KCNIP4: variants seen among roughly 807,000 people sequenced by gnomAD.
The protein encoded by KCNIP4 is potassium voltage-gated channel interacting protein 4.
KCNIP4 carries 12 observed loss-of-function variants against 34.0 expected under a neutral mutation model. The observed-to-expected ratio is 0.35, with a 90% CI of 0.23 to 0.57. KCNIP4 has a LOEUF of 0.57. Ranked by LOEUF, KCNIP4 falls within the 20% of genes least tolerant of loss-of-function variation. The probability of loss-of-function intolerance (pLI) is 0.83; values close to 1 mark genes in which losing one functional copy is unlikely to be tolerated. For missense variants in KCNIP4, 238 were observed against 311.7 expected, an observed-to-expected ratio of 0.76 and a Z score of 1.78; for synonymous variants, 124 against 102.2, an observed-to-expected ratio of 1.21 and a Z score of -1.29.
At chr4:21,102,639 C>G (rs1319910561) in intron 1 of KCNIP4, among the ~76,000 whole-genome samples, 1 of 152,124 alleles carries the variant, frequency 6.6e-6, no homozygotes, top group Non-Finnish European at 1.5e-5. Flanking sequence ...CAAAATATTT[C>G]CATGTAATTA....
intron 1 of KCNIP4, among the ~76,000 whole-genome samples, chr4:21,006,358 G>A (rs1738557316): frequency 6.6e-6 from 1 of 152,176 alleles, no homozygotes; most frequent in African/African-American, 2.4e-5. Flanking sequence ...CTTCCAAGAG[G>A]TAACTTTTGA....
At chr4:21,527,438 G>C (rs1736066017) in intron 1 of KCNIP4, among the ~76,000 whole-genome samples, 1 of 152,082 alleles carries the variant, frequency 6.6e-6, no homozygotes, top group African/African-American at 2.4e-5. Context: ...ATAATGGAAG[G>C]GGCATGGACT....
At chr4:20,900,317 C>A (rs1577337078) in intron 1 of KCNIP4, among the ~76,000 whole-genome samples, 2 of 152,224 alleles carry the variant, frequency 1.3e-5, no homozygotes, top group South Asian at 4.1e-4. Flanking sequence ...AGAAATGAAA[C>A]CCGGGGATGA....
At chr4:20,800,806 T>C (rs1714133092) in intron 3 of KCNIP4, among the ~76,000 whole-genome samples, 1 of 152,080 alleles carries the variant, frequency 6.6e-6, no homozygotes, top group Admixed American at 6.6e-5. Flanking sequence ...ATTAAGCAAA[T>C]AAATATTTGC....
At chr4:21,430,515 C>T (rs1161274716) in intron 1 of KCNIP4, among the ~76,000 whole-genome samples, 1 of 152,042 alleles carries the variant, frequency 6.6e-6, no homozygotes, top group Non-Finnish European at 1.5e-5. Flanking sequence ...TCCTCAATTA[C>T]ATCAACCTGC....
intron 1 of KCNIP4, among the ~76,000 whole-genome samples, chr4:21,858,709 G>A (rs1724896879): frequency 6.6e-6 from 1 of 152,192 alleles, no homozygotes; most frequent in Non-Finnish European, 1.5e-5. Context: ...CTAATTGTGT[G>A]TGCTTTTTAG....
intron 3 of KCNIP4, among the ~76,000 whole-genome samples, chr4:20,796,796 GA>G (rs1170034869): frequency 1.3e-5 from 2 of 151,702 alleles, no homozygotes; most frequent in Non-Finnish European, 1.5e-5. Flanking sequence ...GTAATAGATG[GA>G]AAAAAACAGA....
At chr4:21,625,278 T>C (rs1440935037) in intron 1 of KCNIP4, among the ~76,000 whole-genome samples, 1 of 152,136 alleles carries the variant, frequency 6.6e-6, no homozygotes, top group East Asian at 1.9e-4. Flanking sequence ...CCATAGGGTA[T>C]GCTGAATGTT....
At chr4:21,403,554 T>G (rs1577309491) in intron 1 of KCNIP4, among the ~76,000 whole-genome samples, 1 of 152,166 alleles carries the variant, frequency 6.6e-6, no homozygotes, top group Admixed American at 6.5e-5. Context: ...AGAATAAAAT[T>G]TAAAATTTCC....
intron 1 of KCNIP4, among the ~76,000 whole-genome samples, chr4:21,492,061 G>T (rs549853189): frequency 6.6e-6 from 1 of 152,130 alleles, no homozygotes; most frequent in Non-Finnish European, 1.5e-5. Context: ...GATGTTAAAC[G>T]TGAGTATCTG....
Position 21,713,472 on chromosome 4 carries a change from C to A in KCNIP4, c.61+235099G>T, listed in dbSNP as rs77316874. On this transcript the variant is annotated intron_variant, in intron 1 of 8. Transcript: ENST00000382152. ...TCTGCACTCTTCTTTAAAAAAATTA[C>A]TAATACATAATAGTTGTATATTTTT... Among the ~76,000 whole-genome samples, 75 of 152,246 alleles carry A rather than the reference C, an allele frequency of 4.9e-4. No homozygotes were observed. The East Asian group carries it at 0.014, about 27-fold the overall frequency.
intron 1 of KCNIP4, among the ~76,000 whole-genome samples, chr4:21,830,456 A>T (rs1436870567): frequency 6.6e-6 from 1 of 152,018 alleles, no homozygotes; most frequent in Non-Finnish European, 1.5e-5. Context: ...GGGCTGGATC[A>T]CTTGAGGTCA....
chr4:20,802,367 A>G (rs1045881630), intron 3 of KCNIP4, among the ~76,000 whole-genome samples: 10 of 151,518 alleles, frequency 6.6e-5, no homozygotes, highest in Admixed American at 6.6e-5. Flanking sequence ...CAATGTAAAT[A>G]GTTATAAACC....
chr4:21,204,878 AT>A (rs1166206700), intron 1 of KCNIP4, among the ~76,000 whole-genome samples: 2 of 152,182 alleles, frequency 1.3e-5, no homozygotes, highest in African/African-American at 4.8e-5. Context: ...AAAAATTAGT[AT>A]GTTTGGGAGC....
chr4:21,175,313 A>G (rs886937207), intron 1 of KCNIP4, among the ~76,000 whole-genome samples: 17 of 152,290 alleles, frequency 1.1e-4, no homozygotes, highest in African/African-American at 3.8e-4. Flanking sequence ...TGGCCTAATC[A>G]CATTGACCAA....
intron 1 of KCNIP4, among the ~76,000 whole-genome samples, chr4:21,208,024 G>A (rs1756971540): frequency 6.6e-6 from 1 of 151,194 alleles, no homozygotes; most frequent in Non-Finnish European, 1.5e-5. Flanking sequence ...TGTATTTTTT[G>A]TAGATACGGG....
rs1756647790 is a variant in KCNIP4, at chr4:20,779,372, TA to T, written c.289-20483del. Among the ~76,000 whole-genome samples, 3 of 152,238 alleles carry T rather than the reference TA, an allele frequency of 2.0e-5. 1 individual carries two copies. In the South Asian group the frequency reaches 6.2e-4, roughly 32 times the overall value. On this transcript the variant is annotated intron_variant, in intron 3 of 8. Transcript: ENST00000382152. The stretch of plus-strand genomic sequence containing the variant: ...TTATCAAGCTGAGTGTAAAAATTGC[TA>T]ATTAGTAGTGACTCTCATATCTGGA...
intron 1 of KCNIP4, among the ~76,000 whole-genome samples, chr4:21,308,357 T>G (rs1712723507): frequency 6.6e-6 from 1 of 152,186 alleles, no homozygotes; most frequent in Admixed American, 6.5e-5. Context: ...GCACATACGT[T>G]TTCAAGCAGT....
At chr4:21,939,281 T>C (rs1730060930) in intron 1 of KCNIP4, among the ~76,000 whole-genome samples, 1 of 152,190 alleles carries the variant, frequency 6.6e-6, no homozygotes, top group Non-Finnish European at 1.5e-5. Context: ...TCCATAACTT[T>C]AACTAGAGGA....
Sources: gnomAD v4.1 joint callset for allele counts (sites outside exome capture counted in the v4.1 genomes callset) on GRCh38, gnomAD v4.1.1 for gene constraint, MANE v1.5 for transcripts, NCBI Gene and HGNC (gene_info 2026-07-23, HGNC 2026-07-21) for gene names.